Variants in CPPED1 observed in about 807,000 individuals in gnomAD.
CPPED1 encodes the protein serine/threonine-protein phosphatase CPPED1.
A neutral mutation model predicts 28.0 loss-of-function variants in CPPED1; 28 were observed. The ratio of observed to expected loss-of-function variants is 1.00; its 90% CI spans 0.74 to 1.37. The LOEUF (loss-of-function observed/expected upper bound fraction) is 1.37. Ranked by LOEUF, CPPED1 falls within the 40% of genes most tolerant of loss-of-function variation. The pLI is 0.00. For synonymous variants in CPPED1, 198 were observed against 180.2 expected (o/e 1.10, Z -0.79); for missense variants, 504 against 416.5 (o/e 1.21, Z -1.83).
In CPPED1 at chr16:12,755,027, C is replaced by T. The variant is rs182248664; in HGVS notation, c.289+26158G>A. 2.0e-5 allele frequency among the ~76,000 whole-genome samples: 3 copies of T among 152,106 alleles called. No homozygotes were observed. The East Asian group carries it at 5.8e-4, about 29-fold the overall frequency. ...TGTTGTACAAAAAATGTGTAGCTAG[C>T]AGAAAAAGGTAAGTCAGATTCACTG... On this transcript the variant is annotated intron_variant, in intron 2 of 3. Coordinates refer to ENST00000381774, the MANE Select transcript of CPPED1 (RefSeq NM_018340.3).
chr16:12,719,000 G>C (rs1434620246), intron 2 of CPPED1, among the ~76,000 whole-genome samples: 1 of 152,016 alleles, frequency 6.6e-6, no homozygotes, highest in Non-Finnish European at 1.5e-5. Context: ...ATGTGGCTGG[G>C]GAGGCCTCAC....
At chr16:12,802,283 C>CA (rs1489022321) in intron 1 of CPPED1, among the ~76,000 whole-genome samples, 1 of 151,988 alleles carries the variant, frequency 6.6e-6, no homozygotes, top group Non-Finnish European at 1.5e-5. Flanking sequence ...TCATGTTGGA[C>CA]AAAAAAGACA....
chr16:12,734,065 T>TTG (rs2080213768), intron 2 of CPPED1, among the ~76,000 whole-genome samples: 2 of 116,222 alleles, frequency 1.7e-5, no homozygotes, highest in African/African-American at 3.2e-5. Context: ...CACGTTTTTT[T>TTG]TTTTTTTTTT....
intron 2 of CPPED1, among the ~76,000 whole-genome samples, chr16:12,743,592 T>A (rs1443847197): frequency 6.6e-6 from 1 of 152,236 alleles, no homozygotes; most frequent in Admixed American, 6.5e-5. Context: ...GGGATTAACC[T>A]GTAAATACAC....
intron 3 of CPPED1, among the ~76,000 whole-genome samples, chr16:12,697,790 C>G (rs2079999777): frequency 6.6e-6 from 1 of 152,068 alleles, no homozygotes; most frequent in African/African-American, 2.4e-5. Context: ...TCTATTGACC[C>G]CTCTAGGCGA....
intron 3 of CPPED1, among the ~76,000 whole-genome samples, chr16:12,700,441 A>G (rs1459924436): frequency 6.6e-6 from 1 of 152,226 alleles, no homozygotes; most frequent in Admixed American, 6.5e-5. Flanking sequence ...CCCAAGGTGG[A>G]GTGCAGTGGC....
rs370298107 is a variant in CPPED1, at chr16:12,660,497, A to ATATGTGTGTGTGTGTG, written c.*4388_*4389insCACACACACACACATA. 1.4e-5 allele frequency: 2 copies of ATATGTGTGTGTGTGTG among 145,426 alleles called. No homozygotes were observed. Among genetic ancestry groups the ATATGTGTGTGTGTGTG allele is most frequent in the African/African-American group, 5.0e-5 (2 of 39,800 alleles). The allele number at this position is 145,426 out of a possible 1,614,324, so 9.0% of individuals were successfully genotyped here. On this transcript the variant is annotated 3_prime_UTR_variant, in exon 4 of 4. Transcript: ENST00000381774. ...GAAAAGAATCCTCCACTTTTACTAT[A>ATATGTGTGTGTGTGTG]TGTGTGTGTGTGTGTGTGTGTGTGT...
intron 3 of CPPED1, among the ~76,000 whole-genome samples, chr16:12,674,858 G>C (rs2141168815): frequency 6.6e-6 from 1 of 152,288 alleles, no homozygotes; most frequent in Middle Eastern, 3.4e-3. Context: ...TAAAATGACA[G>C]CCCATATCAT....
chr16:12,735,157 G>A (rs2141207736), intron 2 of CPPED1, among the ~76,000 whole-genome samples: 1 of 152,232 alleles, frequency 6.6e-6, no homozygotes, highest in South Asian at 2.1e-4. Flanking sequence ...TCCCTTTTAT[G>A]GACCTGAAAA....
chr16:12,662,778 C>T lies in CPPED1; in HGVS notation c.*2108G>A, dbSNP rs1313355515. 1 of 152,196 alleles carries T rather than the reference C, an allele frequency of 6.6e-6. No homozygotes were observed. Among genetic ancestry groups the T allele is most frequent in the Non-Finnish European group, 1.5e-5 (1 of 68,024 alleles). 9.4% of individuals were successfully genotyped at this position (152,196 alleles called of 1,614,324 possible). A position where few individuals can be genotyped will look rare whatever the true frequency, so the allele number is the denominator to read the frequency against. ...TACCACATGTTCTTTATCCAATCATCTGTTGATGTGATTCCCTTTTCTTTG... is the reference window on the plus strand; with the variant it reads ...TACCACATGTTCTTTATCCAATCATTTGTTGATGTGATTCCCTTTTCTTTG... On this transcript the variant is annotated 3_prime_UTR_variant, in exon 4 of 4. Transcript: ENST00000381774.
At chr16:12,784,754 G>C (rs1316270491) in intron 1 of CPPED1, among the ~76,000 whole-genome samples, 1 of 152,198 alleles carries the variant, frequency 6.6e-6, no homozygotes, top group Non-Finnish European at 1.5e-5. Context: ...CAAAGTAGCA[G>C]CATAAATCAA....
At position 12,781,415 on chromosome 16, in the gene CPPED1, A is replaced by G. The variant is rs1460126187; in HGVS notation, c.71-12T>C. On this transcript the variant is annotated splice_polypyrimidine_tract_variant and intron_variant, in intron 1 of 3. Transcript: ENST00000381774. The stretch of plus-strand genomic sequence containing the variant: ...TTCGCTTTCCTTTTCTTAAAAAAAG[A>G]GAGAGGGAGAAAGAAGGAGAAATCT... The G allele has an allele frequency of 3.1e-6, 5 of 1,606,818 alleles. No homozygotes were observed. The highest frequency in any genetic ancestry group is 3.4e-6 in the Non-Finnish European group (4 of 1,175,584).
chr16:12,734,060 T>G (rs932684159), intron 2 of CPPED1, among the ~76,000 whole-genome samples: 2 of 26,538 alleles, frequency 7.5e-5, no homozygotes, highest in Admixed American at 4.9e-4. Flanking sequence ...AATTACACGT[T>G]TTTTTTTTTT....
At chr16:12,691,613 G>A (rs928470602) in intron 3 of CPPED1, among the ~76,000 whole-genome samples, 4 of 152,014 alleles carry the variant, frequency 2.6e-5, no homozygotes, top group Non-Finnish European at 5.9e-5. Context: ...CACATATACA[G>A]CATGGAATAC....
At chr16:12,771,316 T>C (rs897144966) in intron 2 of CPPED1, among the ~76,000 whole-genome samples, 5 of 152,282 alleles carry the variant, frequency 3.3e-5, no homozygotes, top group Admixed American at 2.0e-4. Flanking sequence ...TATTTATTCA[T>C]GTGTTCCAGA....
chr16:12,765,762 A>C (rs2080434503), intron 2 of CPPED1, among the ~76,000 whole-genome samples: 1 of 152,232 alleles, frequency 6.6e-6, no homozygotes, highest in Non-Finnish European at 1.5e-5. Flanking sequence ...AATTTGAAAC[A>C]TGCAGGTGAC....
chr16:12,684,267 T>C (rs367738630), intron 3 of CPPED1, among the ~76,000 whole-genome samples: 1 of 152,102 alleles, frequency 6.6e-6, no homozygotes, highest in Non-Finnish European at 1.5e-5. Flanking sequence ...TCCCAGCACT[T>C]TGGGAGGCTG....
At chr16:12,794,004 T>C (rs1325086570) in intron 1 of CPPED1, among the ~76,000 whole-genome samples, 1 of 152,112 alleles carries the variant, frequency 6.6e-6, no homozygotes, top group Non-Finnish European at 1.5e-5. Context: ...AGCAATACCC[T>C]TCAACTGCTC....
chr16:12,782,318 G>A (rs2080536727), intron 1 of CPPED1, among the ~76,000 whole-genome samples: 1 of 152,278 alleles, frequency 6.6e-6, no homozygotes, highest in African/African-American at 2.4e-5. Context: ...ACAGACCAAT[G>A]TTGAAAAAAC....
Sources: allele counts gnomAD v4.1 joint callset (sites outside exome capture counted in the v4.1 genomes callset), GRCh38; gene constraint gnomAD v4.1.1; transcripts MANE v1.5; gene names NCBI Gene and HGNC (gene_info 2026-07-23, HGNC 2026-07-21).